The following COL4A2 variants were observed in gnomAD, a reference collection of about 807,000 sequenced individuals.
COL4A2 encodes the protein collagen alpha-2(IV) chain.
COL4A2 carries 99 observed loss-of-function variants against 200.2 expected under a neutral mutation model. The ratio of observed to expected loss-of-function variants is 0.49; its 90% CI spans 0.42 to 0.58. COL4A2 has a LOEUF of 0.58. COL4A2 is among the 20% of genes least tolerant of loss of function. The pLI, the probability that COL4A2 is intolerant of heterozygous loss-of-function variation, is 0.00. For missense variants in COL4A2, 1,950 were observed against 2,314.1 expected (o/e 0.84, Z 3.23); for synonymous variants, 897 against 900.6 (o/e 1.00, Z 0.07).
At position 110,473,012 on chromosome 13, in the gene COL4A2, C is replaced by T; in HGVS notation, c.2287C>T (p.Pro763Ser). The change falls in exon 29 of 48, where the codon CCA becomes TCA. Residue 763 changes from proline to serine, a missense_variant. Physicochemically the swap from Pro to Ser is moderately conservative, Grantham distance 74. This residue lies in a region of COL4A2 where 1,385 missense variants were observed against 1,720.5 expected (regional missense o/e 0.80). Coordinates refer to ENST00000360467, the MANE Select transcript of COL4A2 (RefSeq NM_001846.4). ...CCCAGGTCCCATCGGCCTGCCAGGG[C>T]CAGATGGGCCCCCTGGGGAAAGGGG... ...GSPGPIGLPG[P>S]DGPPGERGLP... is the part of the protein sequence containing the mutation. 1 of 1,520,572 alleles carries T rather than the reference C, an allele frequency of 6.6e-7. No individual in the cohort carries two copies. The highest frequency in any genetic ancestry group is 2.4e-5 in the East Asian group (1 of 41,098). The allele number at this position is 1,520,572 out of a possible 1,614,324, so 94.2% of individuals were successfully genotyped here.
intron 22 of COL4A2, among the ~76,000 whole-genome samples, chr13:110,461,651 G>T (rs903849046): frequency 1.3e-5 from 2 of 152,148 alleles, no homozygotes; most frequent in African/African-American, 2.4e-5. Context: ...CTCCCGAGTA[G>T]CTGGGATTAC....
chr13:110,424,591 G>T, intron 4 of COL4A2, 143 bp from the exon 5 acceptor site: 2 of 518,244 alleles, frequency 3.9e-6, no homozygotes, highest in Non-Finnish European at 3.4e-6. Context: ...CATGGCAGTA[G>T]ATGATAGTTT....
intron 4 of COL4A2, among the ~76,000 whole-genome samples, chr13:110,396,473 G>A (rs1204691122): frequency 6.6e-6 from 1 of 152,140 alleles, no homozygotes. Flanking sequence ...GAATCACCCT[G>A]GACTTCAGCT....
intron 4 of COL4A2, among the ~76,000 whole-genome samples, chr13:110,414,780 G>A (rs1323051656): frequency 3.9e-5 from 6 of 152,212 alleles, no homozygotes; most frequent in African/African-American, 1.4e-4. Flanking sequence ...AGGGAATGAG[G>A]CTTGTGTTTG....
chr13:110,307,418 G>T lies in COL4A2; in HGVS notation c.-155G>T, dbSNP rs532273419. ...GAAAGGGGCCGCCCGAGCCCCCGGG[G>T]CCGGCGCCCAGAGAGCCCAGCAAGG... On this transcript the variant is annotated 5_prime_UTR_variant, in exon 1 of 48. Transcript: ENST00000360467. This position sits in a 1 kb window ranked among gnomAD's most constrained non-coding sequence, Gnocchi z 5.0. 5 of 205,658 alleles carry T rather than the reference G, an allele frequency of 2.4e-5. No homozygotes were observed. In the South Asian group the frequency reaches 9.3e-4, roughly 38 times the overall value. 12.7% of individuals were successfully genotyped at this position (205,658 alleles called of 1,614,324 possible).
chr13:110,501,924 C>G, intron 41 of COL4A2, 140 bp downstream of exon 41: 1 of 812,354 alleles, frequency 1.2e-6, no homozygotes, highest in Admixed American at 2.6e-5. Flanking sequence ...GCCATGATGG[C>G]TCCTCCTGTG....
chr13:110,407,551 A>C (rs1368374338), intron 4 of COL4A2, among the ~76,000 whole-genome samples: 2 of 152,246 alleles, frequency 1.3e-5, no homozygotes, highest in African/African-American at 4.8e-5. Context: ...ACGTTTTTAC[A>C]TTAGAAAGGA....
At chr13:110,335,001 A>G (rs544325970) in intron 3 of COL4A2, among the ~76,000 whole-genome samples, 2 of 152,238 alleles carry the variant, frequency 1.3e-5, no homozygotes, top group African/African-American at 2.4e-5. Context: ...GGTGACCTCA[A>G]CTATCTCTCT....
intron 44 of COL4A2, 63 bp from the exon 45 acceptor site, chr13:110,504,085 G>T: frequency 1.9e-6 from 3 of 1,587,114 alleles, no homozygotes; most frequent in Non-Finnish European, 2.6e-6. Flanking sequence ...TTCTCTTTGT[G>T]GATCGCCGGC....
At chr13:110,416,704 GATAAAACTAT>G in intron 4 of COL4A2, among the ~76,000 whole-genome samples, 1 of 152,190 alleles carries the variant, frequency 6.6e-6, no homozygotes, top group South Asian at 2.1e-4. Flanking sequence ...AATCATTTCA[GATAAAACTAT>G]ATAATAGCAT....
At chr13:110,469,406 T>A in intron 28 of COL4A2, 82 bp downstream of exon 28, 1 of 1,361,580 alleles carries the variant, frequency 7.3e-7, no homozygotes, top group Non-Finnish European at 1.0e-6. Context: ...AGCTCTATTA[T>A]CTTCCACTTT....
At chr13:110,447,428 C>T (rs912394326) in intron 18 of COL4A2, among the ~76,000 whole-genome samples, 2 of 152,150 alleles carry the variant, frequency 1.3e-5, no homozygotes, top group Non-Finnish European at 2.9e-5. Context: ...AAGGACTTTG[C>T]GCATGTCGTC....
At position 110,379,461 on chromosome 13, in the gene COL4A2, C is replaced by G. The variant is rs952484305; in HGVS notation, c.180+21909C>G. Among the ~76,000 whole-genome samples the G allele has an allele frequency of 2.6e-5, 4 of 152,336 alleles. No homozygotes were observed. The South Asian group carries it at 8.3e-4, about 32-fold the overall frequency. ...CATGTACTCAGCAAATACCTGAGTT[C>G]CTACTGTGTGTCAGGCTCTGTGTAT... On this transcript the variant is annotated intron_variant, in intron 4 of 47. Coordinates refer to ENST00000360467, the MANE Select transcript of COL4A2 (RefSeq NM_001846.4).
rs116436913 is a variant in COL4A2, at chr13:110,400,985, T to C, written c.181-23749T>C. Among the ~76,000 whole-genome samples the C allele has an allele frequency of 7.5e-3, 1,142 of 152,332 alleles. 20 individuals are homozygous for C. Among genetic ancestry groups the C allele is most frequent in the African/African-American group, 0.026 (1,065 of 41,576 alleles). ...CCTAACAGAAAACATCTGCTGGACTTCCGGAATTTTCCTAAGACCTTGAGA... is the reference window on the plus strand; with the variant it reads ...CCTAACAGAAAACATCTGCTGGACTCCCGGAATTTTCCTAAGACCTTGAGA... On this transcript the variant is annotated intron_variant, in intron 4 of 47. Transcript: ENST00000360467.
chr13:110,511,812 C>T (rs1051170834), intron 47 of COL4A2, 122 bp from the exon 48 acceptor site: 17 of 1,485,118 alleles, frequency 1.1e-5, no homozygotes, highest in Admixed American at 6.3e-5. Context: ...GCCTCATGTC[C>T]GTATTGACAC....
In COL4A2 at chr13:110,494,906, G is replaced by A. The variant is rs114636591; in HGVS notation, c.3635-436G>A. 3.4e-3 allele frequency among the ~76,000 whole-genome samples: 515 copies of A among 152,340 alleles called. 3 individuals are homozygous for A. Among genetic ancestry groups the A allele is most frequent in the African/African-American group, 0.012 (492 of 41,584 alleles). On this transcript the variant is annotated intron_variant, in intron 39 of 47. Coordinates refer to ENST00000360467, the MANE Select transcript of COL4A2 (RefSeq NM_001846.4). ...ATTACAGTTCCAGTGGGCGAGTGGC[G>A]GGAAATCCTCGTCAAGTTGTCTTGC...
chr13:110,473,272 C>A, intron 29 of COL4A2, 122 bp downstream of exon 29: 3 of 829,916 alleles, frequency 3.6e-6, no homozygotes, highest in South Asian at 1.8e-5. Context: ...GCTAGCCATG[C>A]GTACCTTCTC....
intron 28 of COL4A2, among the ~76,000 whole-genome samples, chr13:110,472,725 A>T (rs959302772): frequency 1.3e-5 from 2 of 151,994 alleles, no homozygotes; most frequent in Non-Finnish European, 2.9e-5. Context: ...ATGGCGGGGC[A>T]AGCAGAAGAA....
intron 3 of COL4A2, among the ~76,000 whole-genome samples, chr13:110,345,966 C>T (rs1185438340): frequency 3.3e-5 from 5 of 152,178 alleles, no homozygotes; most frequent in African/African-American, 7.2e-5. Context: ...TTCATGATGA[C>T]ATCAAGAAGA....
Sources: allele counts gnomAD v4.1 joint callset (sites outside exome capture counted in the v4.1 genomes callset), GRCh38; gene constraint gnomAD v4.1.1; regional missense constraint gnomAD v4.1.1; non-coding constraint Gnocchi (gnomAD v3.1); transcripts MANE v1.5; gene names NCBI Gene and HGNC (gene_info 2026-07-23, HGNC 2026-07-21).